The following NRG1 variants were observed in gnomAD, a reference collection of about 807,000 sequenced individuals.
The protein encoded by NRG1 is neuregulin 1.
A neutral mutation model predicts 63.8 loss-of-function variants in NRG1; 18 were observed. The ratio of observed to expected loss-of-function variants is 0.28; its 90% confidence interval spans 0.19 to 0.42. NRG1 has a LOEUF of 0.42. Among genes scored for constraint, NRG1 ranks in the 10% least tolerant of loss-of-function variants. The pLI is 1.00. For synonymous variants in NRG1, 302 were observed against 301.3 expected, an observed-to-expected ratio of 1.00 and a Z score of -0.02; for missense variants, 762 against 814.7, an observed-to-expected ratio of 0.94 and a Z score of 0.79.
At chr8:32,616,919 T>C (rs1049286662) in intron 5 of NRG1, 34 bp downstream of exon 5, 3 of 1,481,376 alleles carry the variant, frequency 2.0e-6, no homozygotes, top group Non-Finnish European at 2.8e-6. Flanking sequence ...TCACTGGTTT[T>C]TAACCCAAGG....
intron 1 of NRG1, among the ~76,000 whole-genome samples, chr8:32,296,008 A>AT (rs1854821735): frequency 1.3e-5 from 2 of 151,540 alleles, no homozygotes; most frequent in Admixed American, 1.3e-4. Flanking sequence ...TCTCTTAGCC[A>AT]TTTTCCACTG....
chr8:32,303,883 A>G (rs1855906039), intron 1 of NRG1, among the ~76,000 whole-genome samples: 1 of 152,238 alleles, frequency 6.6e-6, no homozygotes, highest in Non-Finnish European at 1.5e-5. Context: ...TTATGTACAT[A>G]TAATTCATAC....
At chr8:31,833,262 C>T (rs554066426) in intron 1 of NRG1, among the ~76,000 whole-genome samples, 1 of 152,224 alleles carries the variant, frequency 6.6e-6, no homozygotes, top group African/African-American at 2.4e-5. Flanking sequence ...TGTTGATGTC[C>T]ATATTCAACA....
intron 1 of NRG1, among the ~76,000 whole-genome samples, chr8:32,097,886 A>G (rs1792280558): frequency 6.6e-6 from 1 of 152,214 alleles, no homozygotes; most frequent in African/African-American, 2.4e-5. Context: ...CCAATTGAAG[A>G]TGAAAAGAAT....
chr8:32,187,160 G>T (rs1415434411), intron 1 of NRG1, among the ~76,000 whole-genome samples: 2 of 152,212 alleles, frequency 1.3e-5, no homozygotes, highest in African/African-American at 4.8e-5. Context: ...GGGACAGGTT[G>T]AATATTAAAT....
intron 1 of NRG1, among the ~76,000 whole-genome samples, chr8:31,966,126 A>G (rs1314787478): frequency 6.6e-6 from 1 of 152,198 alleles, no homozygotes; most frequent in Non-Finnish European, 1.5e-5. Flanking sequence ...AGAAACAAGC[A>G]TTGTGAACTG....
intron 1 of NRG1, among the ~76,000 whole-genome samples, chr8:32,335,008 C>T (rs1803082588): frequency 6.6e-6 from 1 of 152,032 alleles, no homozygotes; most frequent in Non-Finnish European, 1.5e-5. Flanking sequence ...GTTATTATTA[C>T]TGCTTCACAG....
rs185295818 is a variant in NRG1, at chr8:32,717,990, A to G, written c.503-9959A>G. On this transcript the variant is annotated intron_variant, in intron 5 of 11. Coordinates refer to ENST00000356819, the Ensembl canonical transcript of NRG1. ...GAAGATGCTTCTATAACTCATAGGC[A>G]CATCACTGCCTTCATCATCTCTGTA... is the stretch of plus-strand genomic sequence containing the variant. 2.0e-5 allele frequency among the ~76,000 whole-genome samples: 3 copies of G among 152,304 alleles called. No individual in the cohort carries two copies. The East Asian group carries it at 5.8e-4, about 29-fold the overall frequency.
chr8:32,116,764 T>C (rs1039402061), intron 1 of NRG1, among the ~76,000 whole-genome samples: 8 of 152,116 alleles, frequency 5.3e-5, no homozygotes, highest in African/African-American at 1.9e-4. Context: ...AGCATGCTTC[T>C]ATAGCTGGCT....
At position 32,760,242 on chromosome 8, in the gene NRG1, C is replaced by T. The variant is rs774731045; in HGVS notation, c.1095C>T (p.His365=). ...CTGAAAGCATCCTTTCCGAAAGCCA[C>T]TCTGTAATCGTGATGTCATCCGTAG... is the stretch of plus-strand genomic sequence containing the variant. The change falls in exon 11 of 12, where the codon CAC becomes CAT. Residue 365 remains histidine (H), a synonymous_variant. Coordinates refer to ENST00000356819, the Ensembl canonical transcript of NRG1. 4.2e-5 allele frequency: 68 copies of T among 1,614,000 alleles called. No individual in the cohort carries two copies. Among genetic ancestry groups the T allele is most frequent in the Non-Finnish European group, 5.3e-5 (62 of 1,179,986 alleles).
At chr8:32,605,744 G>C in intron 3 of NRG1, 61 bp downstream of exon 3, 7 of 1,575,610 alleles carry the variant, frequency 4.4e-6, no homozygotes, top group Non-Finnish European at 6.1e-6. Context: ...AAAACATGTG[G>C]TAAGACTCAT....
At chr8:32,426,127 A>G (rs1342121020) in intron 1 of NRG1, among the ~76,000 whole-genome samples, 1 of 152,198 alleles carries the variant, frequency 6.6e-6, no homozygotes, top group Non-Finnish European at 1.5e-5. Flanking sequence ...TTTGGAGCCC[A>G]GACTAAATAG....
chr8:32,633,217 C>G (rs927234729), intron 5 of NRG1, among the ~76,000 whole-genome samples: 2 of 152,052 alleles, frequency 1.3e-5, no homozygotes, highest in Non-Finnish European at 2.9e-5. Flanking sequence ...TTAATGCTTT[C>G]TTTTATTTAT....
At chr8:32,435,597 A>G (rs1386680838) in intron 1 of NRG1, among the ~76,000 whole-genome samples, 5 of 152,200 alleles carry the variant, frequency 3.3e-5, no homozygotes, top group African/African-American at 1.2e-4. Flanking sequence ...CTGCATAGGT[A>G]GTTCTATAAA....
intron 1 of NRG1, among the ~76,000 whole-genome samples, chr8:32,529,855 A>T (rs1392876748): frequency 1.3e-5 from 2 of 152,224 alleles, no homozygotes; most frequent in Non-Finnish European, 2.9e-5. Context: ...TTTTACAGTT[A>T]ACTTTTTTTC....
At chr8:31,899,616 T>C (rs1000721579) in intron 1 of NRG1, among the ~76,000 whole-genome samples, 2 of 152,164 alleles carry the variant, frequency 1.3e-5, no homozygotes, top group African/African-American at 4.8e-5. Context: ...AGATATACCC[T>C]ATGCTTCCAT....
At chr8:31,798,605 C>T (rs1193414867) in intron 1 of NRG1, among the ~76,000 whole-genome samples, 1 of 152,082 alleles carries the variant, frequency 6.6e-6, no homozygotes, top group Admixed American at 6.6e-5. Context: ...TGACTGTTTG[C>T]TTTTAGTTAA....
At chr8:31,902,728 G>T (rs1832190139) in intron 1 of NRG1, among the ~76,000 whole-genome samples, 1 of 152,094 alleles carries the variant, frequency 6.6e-6, no homozygotes, top group Admixed American at 6.6e-5. Context: ...GGTTTTAACA[G>T]ACATATTTTT....
intron 3 of NRG1, among the ~76,000 whole-genome samples, chr8:32,614,051 A>C (rs1292310440): frequency 6.6e-6 from 1 of 152,106 alleles, no homozygotes; most frequent in African/African-American, 2.4e-5. Flanking sequence ...ATTCAATGCC[A>C]GAACTTGATG....
Sources: gnomAD v4.1 joint callset for allele counts (sites outside exome capture counted in the v4.1 genomes callset) on GRCh38, gnomAD v4.1.1 for gene constraint, MANE v1.5 for transcripts, NCBI Gene and HGNC (gene_info 2026-07-23, HGNC 2026-07-21) for gene names.